SAMTOR: variants seen among roughly 807,000 people sequenced by gnomAD.
SAMTOR encodes the protein UPF0532 protein C7orf60.
At chr7:112,936,587 A>G in the SAMTOR span, among the ~76,000 whole-genome samples, 6 of 152,204 alleles carry the variant, frequency 3.9e-5, no homozygotes, top group Non-Finnish European at 7.3e-5. Flanking sequence ...TATCACAGCA[A>G]AAAAGAACAA....
the SAMTOR span, among the ~76,000 whole-genome samples, chr7:112,916,821 CCA>C: frequency 1.3e-5 from 2 of 152,188 alleles, no homozygotes; most frequent in African/African-American, 2.4e-5. Context: ...GGTCCTACGC[CCA>C]CAGAGTCTCG....
At chr7:112,912,854 C>T in the SAMTOR span, among the ~76,000 whole-genome samples, 1 of 152,000 alleles carries the variant, frequency 6.6e-6, no homozygotes, top group African/African-American at 2.4e-5. Flanking sequence ...AAGTTTGAGG[C>T]AGATTCATTG....
At chr7:112,820,876 A>ACT in the SAMTOR span, 1 of 151,784 alleles carries the variant, frequency 6.6e-6, no homozygotes. Flanking sequence ...CAGAACATAA[A>ACT]CTCTCTTCCA....
the SAMTOR span, among the ~76,000 whole-genome samples, chr7:112,850,366 T>G: frequency 2.2e-4 from 33 of 152,224 alleles, no homozygotes; most frequent in African/African-American, 8.0e-4. Context: ...CAGTCTTTTT[T>G]TGTGTGTGTT....
chr7:112,833,353 A>C, the SAMTOR span, among the ~76,000 whole-genome samples: 1 of 152,226 alleles, frequency 6.6e-6, no homozygotes, highest in Non-Finnish European at 1.5e-5. Flanking sequence ...GGCTAAGACC[A>C]TAAACTGACT....
chr7:112,887,976 T>C, the SAMTOR span, among the ~76,000 whole-genome samples: 2 of 152,136 alleles, frequency 1.3e-5, no homozygotes, highest in Admixed American at 6.5e-5. Context: ...TTCTTCTGCT[T>C]AGATTTAATT....
the SAMTOR span, among the ~76,000 whole-genome samples, chr7:112,921,384 G>T: frequency 6.6e-6 from 1 of 151,184 alleles, no homozygotes; most frequent in Non-Finnish European, 1.5e-5. Context: ...TGGGAAAACT[G>T]GCTAGCCATA....
At chr7:112,864,522 G>A in the SAMTOR span, among the ~76,000 whole-genome samples, 1 of 152,228 alleles carries the variant, frequency 6.6e-6, no homozygotes, top group South Asian at 2.1e-4. Flanking sequence ...TGGGGGGTAG[G>A]CTTTTCCTCA....
chr7:112,837,358 A>ATC, the SAMTOR span, among the ~76,000 whole-genome samples: 1 of 152,020 alleles, frequency 6.6e-6, no homozygotes, highest in Admixed American at 6.6e-5. Context: ...GGTTTTCTAG[A>ATC]TATAGAATCA....
At chr7:112,839,118 T>C in the SAMTOR span, among the ~76,000 whole-genome samples, 2 of 151,856 alleles carry the variant, frequency 1.3e-5, no homozygotes, top group African/African-American at 2.4e-5. Flanking sequence ...TCGATGATCT[T>C]ATTGTACAAG....
At chr7:112,846,337 G>A in the SAMTOR span, among the ~76,000 whole-genome samples, 14 of 143,116 alleles carry the variant, frequency 9.8e-5, no homozygotes, top group East Asian at 1.1e-3. Context: ...TATAAAGAGG[G>A]AAACAACAGA....
chr7:112,825,518 T>A, the SAMTOR span, among the ~76,000 whole-genome samples: 39 of 152,318 alleles, frequency 2.6e-4, no homozygotes, highest in South Asian at 1.0e-3. Context: ...ACACACAAAT[T>A]TCTGTATATT....
chr7:112,843,752 C>T, the SAMTOR span, among the ~76,000 whole-genome samples: 6 of 151,928 alleles, frequency 3.9e-5, no homozygotes, highest in African/African-American at 1.4e-4. Flanking sequence ...GAAACTATTC[C>T]AAAAGACTGA....
chr7:112,920,400 C>A, the SAMTOR span, among the ~76,000 whole-genome samples: 2 of 151,044 alleles, frequency 1.3e-5, no homozygotes, highest in African/African-American at 4.9e-5. Context: ...AATTCAACAA[C>A]CCTTCATGCT....
chr7:112,852,314 T>C, the SAMTOR span, among the ~76,000 whole-genome samples: 1 of 152,082 alleles, frequency 6.6e-6, no homozygotes, highest in African/African-American at 2.4e-5. Context: ...TGCAGCAGTA[T>C]GAATGGAACT....
chr7:112,848,879 C>A, the SAMTOR span, among the ~76,000 whole-genome samples: 3 of 152,106 alleles, frequency 2.0e-5, no homozygotes, highest in Non-Finnish European at 2.9e-5. Flanking sequence ...GAAACCCTGT[C>A]TCTACTAAAA....
At chr7:112,853,083 A>G in the SAMTOR span, among the ~76,000 whole-genome samples, 1 of 152,128 alleles carries the variant, frequency 6.6e-6, no homozygotes, top group Admixed American at 6.5e-5. Flanking sequence ...TAAAAAGTTT[A>G]TTTCTGTTAT....
the SAMTOR span, among the ~76,000 whole-genome samples, chr7:112,824,122 T>C: frequency 6.6e-6 from 1 of 152,152 alleles, no homozygotes; most frequent in Non-Finnish European, 1.5e-5. Context: ...CAGTATCATG[T>C]GGCTTATCTT....
chr7:112,934,107 C>T, the SAMTOR span, among the ~76,000 whole-genome samples: 4 of 152,080 alleles, frequency 2.6e-5, no homozygotes, highest in Non-Finnish European at 5.9e-5. Flanking sequence ...GCATAAATGG[C>T]GGCAGATACA....
Sources: allele counts gnomAD v4.1 joint callset (sites outside exome capture counted in the v4.1 genomes callset), GRCh38; gene constraint gnomAD v4.1.1; transcripts MANE v1.5; gene names NCBI Gene and HGNC (gene_info 2026-07-23, HGNC 2026-07-21).